The following SETBP1 variants were observed in gnomAD, a reference collection of about 807,000 sequenced individuals.
SETBP1 encodes SET-binding protein.
Under a neutral mutation model 101.0 loss-of-function variants are expected in SETBP1, and 9 were observed. The ratio of observed to expected loss-of-function variants is 0.09; its 90% CI spans 0.05 to 0.16. The LOEUF (loss-of-function observed/expected upper bound fraction) is 0.16, where lower values mean the gene tolerates loss of function less well. SETBP1 is among the 10% of genes least tolerant of loss of function. The pLI is 1.00. For missense variants in SETBP1, 1,858 were observed against 2,033.8 expected, an observed-to-expected ratio of 0.91 and a Z score of 1.66; for synonymous variants, 818 against 788.5, an observed-to-expected ratio of 1.04 and a Z score of -0.63.
chr18:44,858,176 C>T (rs370291608), intron 2 of SETBP1, among the ~76,000 whole-genome samples: 4 of 152,168 alleles, frequency 2.6e-5, no homozygotes, highest in South Asian at 4.1e-4. Context: ...GTTTTGTTTG[C>T]CTAATGCACT....
chr18:44,739,444 A>G (rs1415321919), intron 2 of SETBP1, among the ~76,000 whole-genome samples: 9 of 152,188 alleles, frequency 5.9e-5, no homozygotes, highest in Admixed American at 5.9e-4. Context: ...ATACTGGGGA[A>G]TGAAATAATT....
Position 44,720,908 on chromosome 18 carries a change from C to A in SETBP1, c.486+19076C>A, listed in dbSNP as rs4890488. Among the ~76,000 whole-genome samples the A allele has an allele frequency of 2.3e-4, 8 of 34,656 alleles. 1 individual carries two copies. The highest frequency in any genetic ancestry group is 3.5e-4 in the Non-Finnish European group (6 of 17,268). 22.7% of individuals were successfully genotyped at this position (34,656 alleles called of 152,430 possible). On this transcript the variant is annotated intron_variant, in intron 2 of 5. Coordinates refer to ENST00000649279, the MANE Select transcript of SETBP1 (RefSeq NM_015559.3). ...AAGCAATGGAGCCCTCCAACCCCCA[C>A]CCCCCACCCCAACCCCTTGGGGAGA...
At chr18:44,755,251 T>C (rs1347008108) in intron 2 of SETBP1, among the ~76,000 whole-genome samples, 1 of 152,198 alleles carries the variant, frequency 6.6e-6, no homozygotes, top group African/African-American at 2.4e-5. Context: ...TAATATTAGG[T>C]GTCAACTTGA....
At position 44,953,261 on chromosome 18, in the gene SETBP1, A is replaced by G. The variant is rs1304325920; in HGVS notation, c.3921A>G (p.Gly1307=). ...GSKRRSYEGF[G]TYREKDIQAF... ...AAAGGAGGAGCTATGAAGGCTTTGG[A>G]ACGTACAGGGAAAAGGACATCCAAG... Residue 1307 remains glycine, a synonymous_variant, in exon 4 of 6, where the codon GGA becomes GGG. Transcript: ENST00000649279. 1 of 1,613,956 alleles carries G rather than the reference A, an allele frequency of 6.2e-7. No homozygotes were observed. The highest frequency in any genetic ancestry group is 1.3e-5 in the African/African-American group (1 of 74,912).
intron 2 of SETBP1, among the ~76,000 whole-genome samples, chr18:44,817,671 C>T (rs12162191): frequency 1.4e-5 from 2 of 144,184 alleles, no homozygotes; most frequent in African/African-American, 5.2e-5. Context: ...GGTGACAGTG[C>T]GAGACTCCAT....
intron 2 of SETBP1, among the ~76,000 whole-genome samples, chr18:44,832,855 C>T (rs1393359310): frequency 6.6e-6 from 1 of 152,252 alleles, no homozygotes; most frequent in Admixed American, 6.5e-5. Flanking sequence ...AGTCGGGTCT[C>T]AGCTCTCCCA....
chr18:45,032,069 T>A (rs1041353393), intron 4 of SETBP1, among the ~76,000 whole-genome samples: 2 of 152,168 alleles, frequency 1.3e-5, no homozygotes, highest in Non-Finnish European at 2.9e-5. Context: ...ACCCAACTTT[T>A]AATATTGAGA....
At chr18:45,053,160 A>G (rs1267299413) in intron 5 of SETBP1, among the ~76,000 whole-genome samples, 2 of 152,206 alleles carry the variant, frequency 1.3e-5, no homozygotes, top group African/African-American at 4.8e-5. Context: ...TAAAAAATGT[A>G]GCTTTTTTTA....
At chr18:45,022,682 C>T (rs1359340765) in intron 4 of SETBP1, among the ~76,000 whole-genome samples, 1 of 151,994 alleles carries the variant, frequency 6.6e-6, no homozygotes, top group Non-Finnish European at 1.5e-5. Flanking sequence ...ATACAAAAAC[C>T]AGCCAGGCAT....
intron 5 of SETBP1, among the ~76,000 whole-genome samples, chr18:45,048,780 G>A (rs1223584785): frequency 6.6e-6 from 1 of 151,012 alleles, no homozygotes; most frequent in Non-Finnish European, 1.5e-5. Context: ...AGACCATCCT[G>A]GCTAACAAGG....
chr18:44,769,932 C>G (rs1170695449), intron 2 of SETBP1, among the ~76,000 whole-genome samples: 2 of 152,224 alleles, frequency 1.3e-5, no homozygotes, highest in Non-Finnish European at 2.9e-5. Flanking sequence ...TGTGGCCTCA[C>G]AAAGACAATT....
intron 4 of SETBP1, among the ~76,000 whole-genome samples, chr18:45,017,120 G>A (rs1346231788): frequency 6.6e-6 from 1 of 152,038 alleles, no homozygotes; most frequent in East Asian, 1.9e-4. Flanking sequence ...GCTTAATGTG[G>A]AGATAAAAGG....
chr18:45,032,084 T>C (rs933090345), intron 4 of SETBP1, among the ~76,000 whole-genome samples: 14 of 152,188 alleles, frequency 9.2e-5, no homozygotes, highest in African/African-American at 3.4e-4. Flanking sequence ...TTGAGAGTTC[T>C]GTACCTGTGT....
At chr18:44,851,373 G>A (rs2072858895) in intron 2 of SETBP1, among the ~76,000 whole-genome samples, 1 of 152,196 alleles carries the variant, frequency 6.6e-6, no homozygotes, top group African/African-American at 2.4e-5. Flanking sequence ...TTTATAAATA[G>A]AGGATGAGGT....
At chr18:44,797,082 G>C (rs1047841560) in intron 2 of SETBP1, among the ~76,000 whole-genome samples, 4 of 152,164 alleles carry the variant, frequency 2.6e-5, no homozygotes, top group African/African-American at 4.8e-5. Flanking sequence ...CAGGTTACAG[G>C]CAGATCCTGG....
intron 4 of SETBP1, among the ~76,000 whole-genome samples, chr18:44,996,268 A>G (rs1404578056): frequency 6.6e-6 from 1 of 152,222 alleles, no homozygotes; most frequent in Non-Finnish European, 1.5e-5. Flanking sequence ...TCTCCAAAGA[A>G]TGTCTCAGAG....
At chr18:44,742,784 G>A (rs974849064) in intron 2 of SETBP1, among the ~76,000 whole-genome samples, 1 of 152,138 alleles carries the variant, frequency 6.6e-6, no homozygotes, top group Non-Finnish European at 1.5e-5. Context: ...CTGCCTCAGA[G>A]TTGATCTATC....
At chr18:44,921,829 C>T (rs1027925331) in intron 3 of SETBP1, among the ~76,000 whole-genome samples, 4 of 152,098 alleles carry the variant, frequency 2.6e-5, no homozygotes, top group Non-Finnish European at 5.9e-5. Flanking sequence ...GAGGGGGCAT[C>T]AGAGATGGCT....
At chr18:44,946,060 G>T (rs2071199113) in intron 3 of SETBP1, among the ~76,000 whole-genome samples, 1 of 152,224 alleles carries the variant, frequency 6.6e-6, no homozygotes, top group African/African-American at 2.4e-5. Flanking sequence ...ATGGGATATA[G>T]CTATCAGCCA....
Sources: allele counts gnomAD v4.1 joint callset (sites outside exome capture counted in the v4.1 genomes callset), GRCh38; gene constraint gnomAD v4.1.1; transcripts MANE v1.5; gene names NCBI Gene and HGNC (gene_info 2026-07-23, HGNC 2026-07-21).